The following TENM3 variants were observed in gnomAD, a reference collection of about 807,000 sequenced individuals.
The protein encoded by TENM3 is teneurin transmembrane protein 3.
TENM3 carries 63 observed loss-of-function variants against 255.1 expected under a neutral mutation model. The observed-to-expected ratio is 0.25, with a 90% CI of 0.20 to 0.30. The LOEUF (loss-of-function observed/expected upper bound fraction) is 0.30, where lower values mean the gene tolerates loss of function less well. Among genes scored for constraint, TENM3 ranks in the 10% least tolerant of loss-of-function variants. TENM3 has a pLI of 1.00. For missense variants in TENM3, 2,929 were observed against 3,461.1 expected, an observed-to-expected ratio of 0.85 and a Z score of 3.86; for synonymous variants, 1,306 against 1,322.3, an observed-to-expected ratio of 0.99 and a Z score of 0.27.
chr4:181,538,442 C>T, the TENM3 span, among the ~76,000 whole-genome samples: 1 of 150,970 alleles, frequency 6.6e-6, no homozygotes, highest in Non-Finnish European at 1.5e-5. Context: ...CTGGAGTACT[C>T]TATGAAGAGG....
At chr4:181,547,767 T>A in the TENM3 span, among the ~76,000 whole-genome samples, 11 of 151,446 alleles carry the variant, frequency 7.3e-5, no homozygotes, top group South Asian at 2.3e-3. Flanking sequence ...ATATCCCAAC[T>A]TTTTTTTTAC....
chr4:182,592,200 T>G lies in TENM3; in HGVS notation c.512-8724T>G, dbSNP rs542690498. ...ATGGATTATAATACCACCTTTCTAA[T>G]AGCTCCTGAAATGTAACCAGATCAG... On this transcript the variant is annotated intron_variant, in intron 3 of 27. Transcript: ENST00000511685. Among the ~76,000 whole-genome samples, 3 of 151,868 alleles carry G rather than the reference T, an allele frequency of 2.0e-5. No individual in the cohort carries two copies. The East Asian group carries it at 5.8e-4, about 29-fold the overall frequency.
At chr4:182,427,197 T>C (rs1421711407) in intron 3 of TENM3, among the ~76,000 whole-genome samples, 2 of 152,202 alleles carry the variant, frequency 1.3e-5, no homozygotes, top group Non-Finnish European at 2.9e-5. Flanking sequence ...CAAATCTGTG[T>C]TGTTACTTTT....
rs1579531181 is a variant in TENM3 at position 182,792,247 on chromosome 4, G to C, written c.5602-27G>C. The C allele has an allele frequency of 6.3e-7, 1 of 1,574,932 alleles. No individual in the cohort carries two copies. The highest frequency in any genetic ancestry group is 8.6e-7 in the Non-Finnish European group (1 of 1,163,708). On this transcript the variant is annotated intron_variant, in intron 25 of 27. Transcript: ENST00000511685. This position sits in a 1 kb window ranked among gnomAD's most constrained non-coding sequence, Gnocchi z 6.3. ...TTTGCATCTCCCGTTCACAAACACT[G>C]AGTAACAGTATGTTCTCTCTTTACA... is the stretch of plus-strand genomic sequence containing the variant.
the TENM3 span, among the ~76,000 whole-genome samples, chr4:181,738,373 C>G: frequency 3.3e-5 from 5 of 152,168 alleles, no homozygotes; most frequent in African/African-American, 7.2e-5. Context: ...GCTTTCCTTG[C>G]TTTCTGAATC....
At chr4:182,577,779 A>G (rs1488070764) in intron 3 of TENM3, among the ~76,000 whole-genome samples, 2 of 152,154 alleles carry the variant, frequency 1.3e-5, no homozygotes, top group East Asian at 3.9e-4. Flanking sequence ...TCCAGTATTA[A>G]CTATCTTTAT....
chr4:182,021,731 TAAAC>T, the TENM3 span, among the ~76,000 whole-genome samples: 1 of 152,134 alleles, frequency 6.6e-6, no homozygotes, highest in African/African-American at 2.4e-5. Flanking sequence ...ATTTGATGAA[TAAAC>T]AAATGAATGA....
chr4:182,142,086 T>G (rs927347592), upstream of TENM3: 4 of 152,232 alleles, frequency 2.6e-5, no homozygotes, highest in South Asian at 2.1e-4. Flanking sequence ...ATGATCTTCA[T>G]GTAATATCTG....
At chr4:182,341,818 T>C (rs1445884545) in intron 2 of TENM3, among the ~76,000 whole-genome samples, 3 of 152,184 alleles carry the variant, frequency 2.0e-5, no homozygotes, top group African/African-American at 7.2e-5. Context: ...AATGATAGAA[T>C]AAAATAATAA....
intron 4 of TENM3, among the ~76,000 whole-genome samples, chr4:182,611,382 T>G (rs1161277258): frequency 6.6e-6 from 1 of 151,338 alleles, no homozygotes; most frequent in African/African-American, 2.4e-5. Context: ...AATGATGTAT[T>G]TAATTATTAA....
At chr4:181,802,009 T>C in the TENM3 span, among the ~76,000 whole-genome samples, 1 of 152,186 alleles carries the variant, frequency 6.6e-6, no homozygotes, top group African/African-American at 2.4e-5. Context: ...TTAAAGAAGA[T>C]TCAGTTCAGT....
chr4:181,499,544 A>T, the TENM3 span, among the ~76,000 whole-genome samples: 1 of 152,180 alleles, frequency 6.6e-6, no homozygotes, highest in Non-Finnish European at 1.5e-5. Flanking sequence ...GGAGATGATG[A>T]GTGACTGTGA....
chr4:181,802,584 T>C, the TENM3 span, among the ~76,000 whole-genome samples: 1 of 152,342 alleles, frequency 6.6e-6, no homozygotes, highest in Non-Finnish European at 1.5e-5. Context: ...CTCAAAAATA[T>C]ATTAACCTTT....
At chr4:181,449,197 A>T in the TENM3 span, among the ~76,000 whole-genome samples, 19,968 of 152,202 alleles carry the variant, frequency 0.13, 1,485 homozygotes, top group East Asian at 0.27. Context: ...AAAATACCTT[A>T]ATGAAATTAA....
chr4:182,467,609 T>TAA (rs1051081617), intron 3 of TENM3, among the ~76,000 whole-genome samples: 3 of 152,164 alleles, frequency 2.0e-5, no homozygotes, highest in Non-Finnish European at 2.9e-5. Context: ...AGCTATTGGT[T>TAA]AATTAGATAT....
At chr4:181,715,124 C>A in the TENM3 span, among the ~76,000 whole-genome samples, 1 of 152,172 alleles carries the variant, frequency 6.6e-6, no homozygotes, top group Non-Finnish European at 1.5e-5. Context: ...AGTTTAATCC[C>A]ACACTTTGAG....
chr4:181,635,565 G>A, the TENM3 span, among the ~76,000 whole-genome samples: 2 of 152,204 alleles, frequency 1.3e-5, no homozygotes, highest in Non-Finnish European at 2.9e-5. Context: ...CCTGTCAGAG[G>A]ATCTCTTCCA....
At chr4:182,100,981 G>C in the TENM3 span, among the ~76,000 whole-genome samples, 1 of 138,850 alleles carries the variant, frequency 7.2e-6, no homozygotes, top group Admixed American at 7.7e-5. Context: ...GGAGGTCTAG[G>C]CTGCAGTGAG....
intron 1 of TENM3, among the ~76,000 whole-genome samples, chr4:182,197,863 G>A (rs539181000): frequency 1.2e-4 from 18 of 152,160 alleles, no homozygotes; most frequent in Admixed American, 1.0e-3. Context: ...CCAGCACTTC[G>A]GGAGGCCGAG....
Sources: gnomAD v4.1 joint callset for allele counts (sites outside exome capture counted in the v4.1 genomes callset) on GRCh38, gnomAD v4.1.1 for gene constraint, Gnocchi (gnomAD v3.1) non-coding constraint, MANE v1.5 for transcripts, NCBI Gene and HGNC (gene_info 2026-07-23, HGNC 2026-07-21) for gene names.